The following SLC38A10 variants were observed in gnomAD, a reference collection of about 807,000 sequenced individuals.
SLC38A10 encodes Sodium-coupled neutral amino acid transporter 10.
A neutral mutation model predicts 81.0 loss-of-function variants in SLC38A10; 53 were observed. The ratio of observed to expected loss-of-function variants is 0.65; its 90% CI spans 0.53 to 0.82. The LOEUF is 0.82. SLC38A10 is among the 40% of genes least tolerant of loss of function. The pLI, the probability that SLC38A10 is intolerant of heterozygous loss-of-function variation, is 0.00. For missense variants in SLC38A10, 1,471 were observed against 1,545.0 expected (o/e 0.95, Z 0.80); for synonymous variants, 665 against 655.3 (o/e 1.01, Z -0.23).
chr17:81,288,131 C>T lies in SLC38A10; in HGVS notation c.217+1560G>A, dbSNP rs959418362. Among the ~76,000 whole-genome samples the T allele has an allele frequency of 2.0e-5, 3 of 152,216 alleles. No homozygotes were observed. The highest frequency in any genetic ancestry group is 7.2e-5 in the African/African-American group (3 of 41,458). Reference sequence around the variant, plus strand: ...GGGAGGAGAAGGAATACATCCCCTCCGGTTCTGAGGGCCGAAACGAACGCA... The same window carrying T: ...GGGAGGAGAAGGAATACATCCCCTCTGGTTCTGAGGGCCGAAACGAACGCA... On this transcript the variant is annotated intron_variant, in intron 2 of 15. Coordinates refer to ENST00000374759, the MANE Select transcript of SLC38A10 (RefSeq NM_001037984.3). The surrounding 1 kb of genome is among the most constrained non-coding windows in gnomAD (Gnocchi z 5.4).
At position 81,252,645 on chromosome 17, in the gene SLC38A10, G is replaced by C; in HGVS notation, c.1495C>G (p.Pro499Ala). Residue 499 changes from proline to alanine, a missense_variant, in exon 13 of 16, where the codon CCT becomes GCT. Transcript: ENST00000374759. ...ACCACCTTGTCGTGAGGAACAGGAG[G>C]CTCGTGGCGGTGGGCCTCGCCCACA... ...VPVGEAHRHE[P>A]PVPHDKVVVD... 6.2e-7 allele frequency: 1 copy of C among 1,610,560 alleles called. No individual in the cohort carries two copies. Among genetic ancestry groups the C allele is most frequent in the Non-Finnish European group, 8.5e-7 (1 of 1,179,774 alleles).
At chr17:81,287,573 C>T (rs1466607844) in intron 2 of SLC38A10, among the ~76,000 whole-genome samples, 1 of 152,242 alleles carries the variant, frequency 6.6e-6, no homozygotes, top group Non-Finnish European at 1.5e-5. Flanking sequence ...TGTTTGGTGT[C>T]AAAGGCATAA....
intron 1 of SLC38A10, among the ~76,000 whole-genome samples, chr17:81,292,987 CAAATAAATAAAT>C (rs377273514): frequency 2.0e-5 from 3 of 151,934 alleles, no homozygotes; most frequent in East Asian, 1.9e-4. Flanking sequence ...CTACTAAATA[CAAATAAATAAAT>C]AAATAAATAA....
chr17:81,251,331 G>A (rs1283764896), intron 14 of SLC38A10, 162 bp downstream of exon 14: 1 of 1,612,956 alleles, frequency 6.2e-7, no homozygotes, highest in Admixed American at 1.7e-5. Context: ...CTGATGGGAA[G>A]GGAGCAGAAA....
rs902719635 is a variant in SLC38A10, at chr17:81,281,348, C to T, written c.502-615G>A. Reference sequence around the variant, plus strand: ...AGGGAACAGGAAGGTCCCAGGGGCTCGGGTCCTGGGGCTCCTATGGGCAGG... The same window carrying T: ...AGGGAACAGGAAGGTCCCAGGGGCTTGGGTCCTGGGGCTCCTATGGGCAGG... On this transcript the variant is annotated intron_variant, in intron 5 of 15. Transcript: ENST00000374759. This position sits in a 1 kb window ranked among gnomAD's most constrained non-coding sequence, Gnocchi z 5.3. Among the ~76,000 whole-genome samples, 2 of 151,986 alleles carry T rather than the reference C, an allele frequency of 1.3e-5. No homozygotes were observed. Among genetic ancestry groups the T allele is most frequent in the African/African-American group, 4.8e-5 (2 of 41,380 alleles).
intron 11 of SLC38A10, among the ~76,000 whole-genome samples, chr17:81,254,972 C>T (rs1047030200): frequency 7.2e-5 from 11 of 152,276 alleles, no homozygotes; most frequent in African/African-American, 2.7e-4. Context: ...GGACAAGTTG[C>T]CTCAGAGCAG....
chr17:81,279,123 A>G (rs1451236516), intron 6 of SLC38A10, among the ~76,000 whole-genome samples: 1 of 152,174 alleles, frequency 6.6e-6, no homozygotes, highest in Non-Finnish European at 1.5e-5. Context: ...AGCCATCCAC[A>G]TGCAGCTCTT....
chr17:81,276,540 T>TGCC lies in SLC38A10; in HGVS notation c.730-392_730-390dup, dbSNP rs2063164239. Among the ~76,000 whole-genome samples, 1 of 152,084 alleles carries TGCC rather than the reference T, an allele frequency of 6.6e-6. No homozygotes were observed. Among genetic ancestry groups the TGCC allele is most frequent in the African/African-American group, 2.4e-5 (1 of 41,404 alleles). ...CCGAGTAGCCGGGTTTACATGCACG[T>TGCC]GCCACCATGCCCAGCTAATTTTTGT... On this transcript the variant is annotated intron_variant, in intron 7 of 15. Transcript: ENST00000374759. This position sits in a 1 kb window ranked among gnomAD's most constrained non-coding sequence, Gnocchi z 4.7.
Position 81,252,358 on chromosome 17 carries a change from C to T in SLC38A10, c.1782G>A (p.Glu594=), listed in dbSNP as rs905281910. ...DGQPAVQPAK[E]DLGPGDRGLH... is the part of the protein sequence containing the mutation. Reference sequence around the variant, plus strand: ...GGCCCCTGTCTCCTGGCCCCAGGTCCTCCTTTGCAGGCTGGACAGCTGGCT... The same window carrying T: ...GGCCCCTGTCTCCTGGCCCCAGGTCTTCCTTTGCAGGCTGGACAGCTGGCT... Residue 594 remains glutamate, a synonymous_variant, in exon 13 of 16, where the codon GAG becomes GAA. Coordinates refer to ENST00000374759, the MANE Select transcript of SLC38A10 (RefSeq NM_001037984.3). 1.2e-6 allele frequency: 2 copies of T among 1,613,210 alleles called. No individual in the cohort carries two copies. The highest frequency in any genetic ancestry group is 1.7e-6 in the Non-Finnish European group (2 of 1,180,004).
chr17:81,294,856 G>T lies in SLC38A10; in HGVS notation c.66C>A (p.Val22=), dbSNP rs2063336108. 2 of 1,598,938 alleles carry T rather than the reference G, an allele frequency of 1.3e-6. No individual in the cohort carries two copies. Among genetic ancestry groups the T allele is most frequent in the African/African-American group, 1.4e-5 (1 of 73,156 alleles). The change falls in exon 1 of 16, where the codon GTC becomes GTA. Residue 22 remains valine, a synonymous_variant. Transcript: ENST00000374759. ...AGCAGAAGGGCATGGTGAGGACACTGACCCCTACGATGCTGTTCACGATGT... is the reference window on the plus strand; with the variant it reads ...AGCAGAAGGGCATGGTGAGGACACTTACCCCTACGATGCTGTTCACGATGT... ...ITNIVNSIVG[V]SVLTMPFCFK...
At position 81,276,554 on chromosome 17, in the gene SLC38A10, G is replaced by A. The variant is rs2063164355; in HGVS notation, c.730-403C>T. Among the ~76,000 whole-genome samples the A allele has an allele frequency of 6.6e-6, 1 of 151,932 alleles. No individual in the cohort carries two copies. Among genetic ancestry groups the A allele is most frequent in the African/African-American group, 2.4e-5 (1 of 41,350 alleles). ...TTACATGCACGTGCCACCATGCCCA[G>A]CTAATTTTTGTATTTTTAGTAGAGA... On this transcript the variant is annotated intron_variant, in intron 7 of 15. Coordinates refer to ENST00000374759, the MANE Select transcript of SLC38A10 (RefSeq NM_001037984.3). This position sits in a 1 kb window ranked among gnomAD's most constrained non-coding sequence, Gnocchi z 4.7.
intron 6 of SLC38A10, among the ~76,000 whole-genome samples, chr17:81,279,152 C>T (rs2063186910): frequency 6.6e-6 from 1 of 152,218 alleles, no homozygotes; most frequent in African/African-American, 2.4e-5. Context: ...GCCCCTCTGC[C>T]CTACTGTGAG....
At chr17:81,247,580 A>C (rs1462378377) in intron 14 of SLC38A10, 1 of 151,970 alleles carries the variant, frequency 6.6e-6, no homozygotes, top group African/African-American at 2.4e-5. Flanking sequence ...AATCCCAGCA[A>C]TTTGGGAGGC....
In SLC38A10 at chr17:81,286,505, G is replaced by A. The variant is rs1325023690; in HGVS notation, c.218-1610C>T. Among the ~76,000 whole-genome samples, 1 of 152,290 alleles carries A rather than the reference G, an allele frequency of 6.6e-6. No homozygotes were observed. Among genetic ancestry groups the A allele is most frequent in the Non-Finnish European group, 1.5e-5 (1 of 68,020 alleles). On this transcript the variant is annotated intron_variant, in intron 2 of 15. Coordinates refer to ENST00000374759, the MANE Select transcript of SLC38A10 (RefSeq NM_001037984.3). This position sits in a 1 kb window ranked among gnomAD's most constrained non-coding sequence, Gnocchi z 6.0. ...TTCTCCTCCCCAGGTTCAAACACCAGCCCCAGTTGGACTGACCCCACTCCT... is the reference window on the plus strand; with the variant it reads ...TTCTCCTCCCCAGGTTCAAACACCAACCCCAGTTGGACTGACCCCACTCCT...
At chr17:81,280,788 A>G in intron 5 of SLC38A10, 55 bp from the exon 6 acceptor site, 1 of 1,557,780 alleles carries the variant, frequency 6.4e-7, no homozygotes, top group East Asian at 2.3e-5. Context: ...GGCGGGACTC[A>G]GCATCCCGGC....
chr17:81,250,915 G>A (rs1285294527), intron 14 of SLC38A10: 1 of 1,186,214 alleles, frequency 8.4e-7, no homozygotes, highest in Non-Finnish European at 1.0e-6. Flanking sequence ...GAGAGCAAAG[G>A]CGTAAGGAGC....
rs775204418 is a variant in SLC38A10 at position 81,246,298 on chromosome 17, C to T, written c.2618G>A (p.Arg873His). The change falls in exon 16 of 16, where the codon CGC (arginine) becomes CAC (histidine). Residue 873 changes from arginine to histidine, a missense_variant. Coordinates refer to ENST00000374759, the MANE Select transcript of SLC38A10 (RefSeq NM_001037984.3). ...PAREAGGPEE[R>H]LAEEFPGQSQ... is the part of the protein sequence containing the mutation. The stretch of plus-strand genomic sequence containing the variant: ...TTGCCCAGGGAATTCCTCTGCGAGG[C>T]GCTCCTCTGGGCCCCCGGCTTCCCT... 1.2e-5 allele frequency: 19 copies of T among 1,611,508 alleles called. No homozygotes were observed. Among genetic ancestry groups the T allele is most frequent in the East Asian group, 2.2e-5 (1 of 44,890 alleles).
At chr17:81,292,282 G>A (rs1410266078) in intron 1 of SLC38A10, among the ~76,000 whole-genome samples, 3 of 151,812 alleles carry the variant, frequency 2.0e-5, no homozygotes, top group Admixed American at 6.6e-5. Context: ...GCCTGACATC[G>A]CGCACAGCTA....
rs2063172684 is a variant in SLC38A10, at chr17:81,277,505, A to C, written c.627-372T>G. Among the ~76,000 whole-genome samples the C allele has an allele frequency of 6.6e-6, 1 of 152,182 alleles. No homozygotes were observed. Among genetic ancestry groups the C allele is most frequent in the Non-Finnish European group, 1.5e-5 (1 of 68,024 alleles). ...TGTCAAGAGGAGGGAAAGTTAAACAAACACACCCTGGCCTGGGCGGCCGGC... is the reference window on the plus strand; with the variant it reads ...TGTCAAGAGGAGGGAAAGTTAAACACACACACCCTGGCCTGGGCGGCCGGC... On this transcript the variant is annotated intron_variant, in intron 6 of 15. Transcript: ENST00000374759. The surrounding 1 kb of genome is among the most constrained non-coding windows in gnomAD (Gnocchi z 4.5).
Sources: allele counts gnomAD v4.1 joint callset (sites outside exome capture counted in the v4.1 genomes callset), GRCh38; gene constraint gnomAD v4.1.1; non-coding constraint Gnocchi (gnomAD v3.1); transcripts MANE v1.5; gene names NCBI Gene and HGNC (gene_info 2026-07-23, HGNC 2026-07-21).